The following AK9 variants were observed in gnomAD, a reference collection of about 807,000 sequenced individuals.
AK9 encodes adenylate kinase 9.
In AK9, 191 loss-of-function variants were observed where a neutral mutation model predicts 239.6. The ratio of observed to expected loss-of-function variants is 0.80; its 90% CI spans 0.71 to 0.90. AK9 has a LOEUF of 0.90. Ranked by LOEUF, AK9 falls within the 40% of genes least tolerant of loss-of-function variation. AK9 has a pLI of 0.00. For missense variants in AK9, 1,995 were observed against 2,214.7 expected, an observed-to-expected ratio of 0.90 and a Z score of 1.99; for synonymous variants, 689 against 721.0, an observed-to-expected ratio of 0.96 and a Z score of 0.71.
In AK9 at chr6:109,501,426, G is replaced by A. The variant is rs141548259; in HGVS notation, c.4850-2186C>T. Among the ~76,000 whole-genome samples, 250 of 152,258 alleles carry A rather than the reference G, an allele frequency of 1.6e-3. 1 individual carries two copies. The highest frequency in any genetic ancestry group is 5.8e-3 in the African/African-American group (239 of 41,544). ...CCGTGCCCAAAGAGGTTTCCATTAT[G>A]CAATCTCTCCACAATCCTGCTTTTA... On this transcript the variant is annotated intron_variant, in intron 35 of 40. Coordinates refer to ENST00000424296, the MANE Select transcript of AK9 (RefSeq NM_001145128.3).
chr6:109,618,343 T>C (rs567470736), intron 13 of AK9, among the ~76,000 whole-genome samples: 1 of 148,556 alleles, frequency 6.7e-6, no homozygotes, highest in Admixed American at 6.9e-5. Flanking sequence ...GACTACCAAC[T>C]AGAGATAGAA....
intron 17 of AK9, among the ~76,000 whole-genome samples, chr6:109,603,975 C>G (rs1792477838): frequency 1.3e-5 from 2 of 152,188 alleles, no homozygotes; most frequent in African/African-American, 4.8e-5. Flanking sequence ...TCTGTCACAG[C>G]TTTGCTTGGC....
chr6:109,653,793 C>CA (rs1272861641), intron 8 of AK9, among the ~76,000 whole-genome samples: 1 of 152,002 alleles, frequency 6.6e-6, no homozygotes, highest in African/African-American at 2.4e-5. Context: ...CTTGGCCTCT[C>CA]AAAGTGTTGG....
At chr6:109,579,647 T>C (rs1277185404) in intron 19 of AK9, 21 bp from the exon 20 acceptor site, 1 of 1,542,040 alleles carries the variant, frequency 6.5e-7, no homozygotes, top group South Asian at 1.2e-5. Context: ...AAGGTTCAAA[T>C]TTAATTATCT....
At chr6:109,565,874 C>A (rs1278100585) in intron 21 of AK9, among the ~76,000 whole-genome samples, 1 of 152,110 alleles carries the variant, frequency 6.6e-6, no homozygotes, top group Admixed American at 6.6e-5. Flanking sequence ...GGTCCTCTTT[C>A]AACAGGATCT....
intron 24 of AK9, among the ~76,000 whole-genome samples, chr6:109,554,340 T>A (rs1784705832): frequency 6.6e-6 from 1 of 152,080 alleles, no homozygotes. Flanking sequence ...CTTTTTATGG[T>A]TGGTAGGCTA....
chr6:109,622,515 T>C (rs1046963991), intron 12 of AK9, among the ~76,000 whole-genome samples: 44 of 73,026 alleles, frequency 6.0e-4, no homozygotes, highest in Non-Finnish European at 8.3e-4. Flanking sequence ...CTATTATAAA[T>C]CAGGATAATA....
chr6:109,509,144 T>C, intron 33 of AK9, 35 bp downstream of exon 33: 1 of 1,524,634 alleles, frequency 6.6e-7, no homozygotes. Flanking sequence ...AAGATTTAAC[T>C]CCCTCTGTCC....
At chr6:109,544,405 G>T (rs1239660672) in intron 26 of AK9, among the ~76,000 whole-genome samples, 1 of 152,114 alleles carries the variant, frequency 6.6e-6, no homozygotes, top group Non-Finnish European at 1.5e-5. Flanking sequence ...CTGGAGGTGG[G>T]GTCTGGTGAG....
intron 5 of AK9, among the ~76,000 whole-genome samples, chr6:109,665,340 G>T (rs775987593): frequency 6.6e-6 from 1 of 152,156 alleles, no homozygotes; most frequent in Non-Finnish European, 1.5e-5. Flanking sequence ...TAAACATAGC[G>T]TGGTATCCCC....
chr6:109,622,493 AATATT>A lies in AK9; in HGVS notation c.1255-3262_1255-3258del, dbSNP rs1458154970. 2.9e-4 allele frequency among the ~76,000 whole-genome samples: 38 copies of A among 130,188 alleles called. No individual in the cohort carries two copies. In the East Asian group the frequency reaches 7.5e-3, roughly 26 times the overall value. The allele number at this position is 130,188 out of a possible 152,430, so 85.4% of individuals were successfully genotyped here. ...ATATAATATATATTAATATAGTGTT[AATATT>A]ATATTACTATTATAAATCAGGATAA... On this transcript the variant is annotated intron_variant, in intron 12 of 40. Coordinates refer to ENST00000424296, the MANE Select transcript of AK9 (RefSeq NM_001145128.3).
At chr6:109,603,474 C>G (rs978993453) in intron 17 of AK9, among the ~76,000 whole-genome samples, 1 of 152,194 alleles carries the variant, frequency 6.6e-6, no homozygotes, top group Non-Finnish European at 1.5e-5. Context: ...AGGTGTCAGT[C>G]TGCCCCTACT....
chr6:109,549,978 A>G (rs1455730443), intron 25 of AK9, 112 bp downstream of exon 25: 8 of 1,175,098 alleles, frequency 6.8e-6, no homozygotes, highest in Non-Finnish European at 9.5e-6. Context: ...TATTTTCTTT[A>G]TATTGTAATA....
intron 8 of AK9, among the ~76,000 whole-genome samples, chr6:109,651,360 T>C (rs2128303748): frequency 6.6e-6 from 1 of 152,232 alleles, no homozygotes; most frequent in African/African-American, 2.4e-5. Context: ...AAGATGTTCT[T>C]TGAAACCAAT....
Position 109,499,197 on chromosome 6 carries a change from C to A in AK9, c.4893G>T (p.Glu1631Asp). The change falls in exon 36 of 41, where the codon GAG (glutamate) becomes GAT (aspartate). Residue 1631 changes from glutamate (E) to aspartate (D), a missense_variant. This residue lies in a region of AK9 where 391 missense variants were observed against 456.0 expected (regional missense o/e 0.86). Coordinates refer to ENST00000424296, the MANE Select transcript of AK9 (RefSeq NM_001145128.3). ...CAAATTCTCCCAGGCGAGAAAGCAG[C>A]TCTTGAGGTGTGATACATAACTTGT... is the stretch of plus-strand genomic sequence containing the variant. ...CIDKLCITPQELLSRLGEFEQ... is the reference protein window; with the variant it reads ...CIDKLCITPQDLLSRLGEFEQ... 6.3e-7 allele frequency: 1 copy of A among 1,597,250 alleles called. No homozygotes were observed. Among genetic ancestry groups the A allele is most frequent in the Non-Finnish European group, 8.5e-7 (1 of 1,171,132 alleles).
At chr6:109,607,655 C>T (rs1297425346) in intron 17 of AK9, among the ~76,000 whole-genome samples, 2 of 151,950 alleles carry the variant, frequency 1.3e-5, no homozygotes, top group Non-Finnish European at 2.9e-5. Flanking sequence ...TGAGGGATGG[C>T]TGTACAAATA....
chr6:109,623,862 GAC>G (rs567410173), intron 12 of AK9, among the ~76,000 whole-genome samples: 23,595 of 135,894 alleles, frequency 0.17, 1,847 homozygotes, highest in South Asian at 0.29. Flanking sequence ...AGGAATCTTA[GAC>G]ACACACACAC....
intron 21 of AK9, among the ~76,000 whole-genome samples, chr6:109,567,299 C>T (rs1427637364): frequency 6.6e-6 from 1 of 152,152 alleles, no homozygotes; most frequent in African/African-American, 2.4e-5. Flanking sequence ...ATACTATAAA[C>T]ACTTCTACGC....
In AK9 at chr6:109,513,159, CTAGTA is replaced by C. The variant is rs1246932430; in HGVS notation, c.4279+1060_4279+1064del. ...GGATTACAGGCATGAGCCACTGTGC[CTAGTA>C]TAGTAAATTATATTTATAAAATATT... is the stretch of plus-strand genomic sequence containing the variant. On this transcript the variant is annotated intron_variant, in intron 32 of 40. Transcript: ENST00000424296. Among the ~76,000 whole-genome samples the C allele has an allele frequency of 3.3e-5, 5 of 152,194 alleles. No individual in the cohort carries two copies. In the South Asian group the frequency reaches 8.3e-4, roughly 25 times the overall value.
Sources: gnomAD v4.1 joint callset for allele counts (sites outside exome capture counted in the v4.1 genomes callset) on GRCh38, gnomAD v4.1.1 for gene constraint, gnomAD v4.1.1 regional missense constraint, MANE v1.5 for transcripts, NCBI Gene and HGNC (gene_info 2026-07-23, HGNC 2026-07-21) for gene names.